CAMK1D: variants seen among roughly 807,000 people sequenced by gnomAD.
CAMK1D encodes calcium/calmodulin dependent protein kinase ID.
CAMK1D carries 9 observed loss-of-function variants against 47.7 expected under a neutral mutation model. The observed-to-expected ratio is 0.19, with a 90% CI of 0.11 to 0.33. The LOEUF is 0.33. Ranked by LOEUF, CAMK1D falls within the 10% of genes least tolerant of loss-of-function variation. The pLI is 1.00. For missense variants in CAMK1D, 291 were observed against 488.7 expected, an observed-to-expected ratio of 0.60 and a Z score of 3.81; for synonymous variants, 184 against 184.9, an observed-to-expected ratio of 0.99 and a Z score of 0.04.
intron 3 of CAMK1D, among the ~76,000 whole-genome samples, chr10:12,708,024 C>T (rs1365194601): frequency 6.6e-6 from 1 of 152,210 alleles, no homozygotes; most frequent in Non-Finnish European, 1.5e-5. Context: ...GTGACCGAGG[C>T]AGCATTGTCA....
chr10:12,551,824 G>A (rs143117567), intron 1 of CAMK1D, among the ~76,000 whole-genome samples: 8 of 152,252 alleles, frequency 5.3e-5, no homozygotes, highest in African/African-American at 1.9e-4. Context: ...TGGAAAAACT[G>A]TTGTCCATGA....
intron 1 of CAMK1D, among the ~76,000 whole-genome samples, chr10:12,380,686 C>A (rs1194693338): frequency 6.6e-6 from 1 of 152,148 alleles, no homozygotes; most frequent in Non-Finnish European, 1.5e-5. Context: ...GAAACCCCAT[C>A]TCTACTAAAA....
At chr10:12,367,769 C>T (rs989988621) in intron 1 of CAMK1D, among the ~76,000 whole-genome samples, 1 of 152,052 alleles carries the variant, frequency 6.6e-6, no homozygotes, top group African/African-American at 2.4e-5. Flanking sequence ...GTGATGGGGG[C>T]GTCTGTAAAT....
At chr10:12,546,107 A>G (rs748607559) in intron 1 of CAMK1D, among the ~76,000 whole-genome samples, 9 of 152,226 alleles carry the variant, frequency 5.9e-5, no homozygotes, top group Non-Finnish European at 1.0e-4. Flanking sequence ...TCCCATAGAC[A>G]TGAAACCTCA....
intron 10 of CAMK1D, among the ~76,000 whole-genome samples, chr10:12,827,256 CTTTTTCTTTCCTTCTCTTTCTTTTCTTTT>C (rs1833245707): frequency 2.4e-5 from 3 of 122,670 alleles, no homozygotes; most frequent in African/African-American, 6.0e-5. Context: ...TTCTTTCTTT[CTTTTTCTTTCCTTCTCTTTCTTTTCTTTT>C]TCTTTCTTTC....
chr10:12,389,563 C>G (rs1838648882), intron 1 of CAMK1D, among the ~76,000 whole-genome samples: 1 of 152,076 alleles, frequency 6.6e-6, no homozygotes, highest in African/African-American at 2.4e-5. Flanking sequence ...ATAAACAGAC[C>G]TTGCTTCCTT....
At chr10:12,602,769 G>C (rs1443743876) in intron 2 of CAMK1D, among the ~76,000 whole-genome samples, 1 of 151,994 alleles carries the variant, frequency 6.6e-6, no homozygotes, top group Non-Finnish European at 1.5e-5. Flanking sequence ...CATGGAGGCC[G>C]CTCTGCCTAC....
At chr10:12,441,770 G>T (rs150271146) in intron 1 of CAMK1D, among the ~76,000 whole-genome samples, 1,651 of 152,212 alleles carry the variant, frequency 0.011, 22 homozygotes, top group African/African-American at 0.038. Flanking sequence ...CTGCACTCCA[G>T]CCTGGGCAAC....
chr10:12,669,764 T>G (rs1840551909), intron 3 of CAMK1D, among the ~76,000 whole-genome samples: 1 of 152,192 alleles, frequency 6.6e-6, no homozygotes, highest in Non-Finnish European at 1.5e-5. Context: ...TTATAAAATA[T>G]CATATAAATT....
intron 1 of CAMK1D, among the ~76,000 whole-genome samples, chr10:12,479,990 G>C (rs957877211): frequency 4.6e-5 from 7 of 152,228 alleles, no homozygotes; most frequent in Non-Finnish European, 8.8e-5. Context: ...AAAGGCCTAA[G>C]CACCCCTTCA....
chr10:12,548,018 T>C (rs1432240288), intron 1 of CAMK1D, among the ~76,000 whole-genome samples: 3 of 152,178 alleles, frequency 2.0e-5, no homozygotes, highest in African/African-American at 4.8e-5. Flanking sequence ...CCTGCGGTGC[T>C]TGCCACGCAC....
chr10:12,707,025 A>G (rs1001795520), intron 3 of CAMK1D, among the ~76,000 whole-genome samples: 1 of 152,208 alleles, frequency 6.6e-6, no homozygotes, highest in Non-Finnish European at 1.5e-5. Context: ...ACCCATCACA[A>G]AGATATTTAA....
At chr10:12,505,459 C>A (rs1311038666) in intron 1 of CAMK1D, among the ~76,000 whole-genome samples, 3 of 152,286 alleles carry the variant, frequency 2.0e-5, no homozygotes, top group Non-Finnish European at 4.4e-5. Flanking sequence ...TCAAAAGCCT[C>A]CTAATGTGAC....
intron 6 of CAMK1D, among the ~76,000 whole-genome samples, chr10:12,797,196 CTTTT>C (rs66641899): frequency 7.3e-6 from 1 of 137,544 alleles, no homozygotes; most frequent in Non-Finnish European, 1.6e-5. Context: ...TGACCAGTTC[CTTTT>C]TTTTTTTTTT....
At chr10:12,750,009 C>T (rs1588883972) in intron 3 of CAMK1D, among the ~76,000 whole-genome samples, 1 of 152,288 alleles carries the variant, frequency 6.6e-6, no homozygotes, top group African/African-American at 2.4e-5. Context: ...TGGATGCTTA[C>T]CTGGAACGTC....
intron 1 of CAMK1D, among the ~76,000 whole-genome samples, chr10:12,360,889 G>A (rs368583262): frequency 6.6e-6 from 1 of 152,138 alleles, no homozygotes; most frequent in Non-Finnish European, 1.5e-5. Flanking sequence ...GGCCAGGCCG[G>A]GACTGCAGAT....
chr10:12,706,686 A>T (rs1271096290), intron 3 of CAMK1D, among the ~76,000 whole-genome samples: 1 of 151,720 alleles, frequency 6.6e-6, no homozygotes, highest in Non-Finnish European at 1.5e-5. Context: ...GATTATAGGG[A>T]GCCAAGATTG....
rs1364928373 is a variant in CAMK1D at position 12,694,356 on chromosome 10, G to A, written c.299+27546G>A. 4.6e-3 allele frequency among the ~76,000 whole-genome samples: 300 copies of A among 65,618 alleles called. 14 individuals carry two copies. Among genetic ancestry groups the A allele is most frequent in the South Asian group, 0.012 (19 of 1,610 alleles). 43.0% of individuals were successfully genotyped at this position (65,618 alleles called of 152,430 possible). A position where few individuals can be genotyped will look rare whatever the true frequency, so the allele number is the denominator to read the frequency against. ...TATATATAATATATAACATATATATGTTATATGTTATATATAAAATATAAA... is the reference window on the plus strand; with the variant it reads ...TATATATAATATATAACATATATATATTATATGTTATATATAAAATATAAA... On this transcript the variant is annotated intron_variant, in intron 3 of 10. Coordinates refer to ENST00000619168, the MANE Select transcript of CAMK1D (RefSeq NM_153498.4).
At chr10:12,527,278 G>A (rs1458908542) in intron 1 of CAMK1D, among the ~76,000 whole-genome samples, 1 of 151,744 alleles carries the variant, frequency 6.6e-6, no homozygotes, top group Non-Finnish European at 1.5e-5. Context: ...TCAGTCCTCT[G>A]GCCAGAAAAG....
Sources: allele counts gnomAD v4.1 joint callset (sites outside exome capture counted in the v4.1 genomes callset), GRCh38; gene constraint gnomAD v4.1.1; transcripts MANE v1.5; gene names NCBI Gene and HGNC (gene_info 2026-07-23, HGNC 2026-07-21).